STAG1: variants seen among roughly 807,000 people sequenced by gnomAD.
The protein encoded by STAG1 is STAG1 cohesin complex component, also known as cohesin subunit SA-1.
STAG1 carries 26 observed loss-of-function variants against 170.9 expected under a neutral mutation model. The ratio of observed to expected loss-of-function variants is 0.15; its 90% CI spans 0.11 to 0.21. The LOEUF (loss-of-function observed/expected upper bound fraction) is 0.21, where lower values mean the gene tolerates loss of function less well. Ranked by LOEUF, STAG1 falls within the 10% of genes least tolerant of loss-of-function variation. The probability of loss-of-function intolerance (pLI) is 1.00; values close to 1 mark genes in which losing one functional copy is unlikely to be tolerated. For missense variants in STAG1, 964 were observed against 1,509.5 expected, an observed-to-expected ratio of 0.64 and a Z score of 5.99; for synonymous variants, 514 against 497.7, an observed-to-expected ratio of 1.03 and a Z score of -0.44.
At chr3:136,729,315 G>A (rs1156743900) in intron 1 of STAG1, among the ~76,000 whole-genome samples, 2 of 151,692 alleles carry the variant, frequency 1.3e-5, no homozygotes, top group African/African-American at 2.4e-5. Flanking sequence ...CTAGACAAAG[G>A]GATTTATGAA....
chr3:136,595,890 C>T (rs1938405584), intron 4 of STAG1, among the ~76,000 whole-genome samples: 2 of 152,006 alleles, frequency 1.3e-5, no homozygotes, highest in Non-Finnish European at 2.9e-5. Flanking sequence ...AAAATACCAT[C>T]AATTTTACAA....
chr3:136,434,703 T>G (rs66890203), intron 15 of STAG1, among the ~76,000 whole-genome samples: 13,814 of 152,202 alleles, frequency 0.091, 857 homozygotes, highest in Non-Finnish European at 0.14. Context: ...GCTTCCAGGT[T>G]TCTTGTATTG....
At chr3:136,661,730 A>C (rs532779832) in intron 1 of STAG1, among the ~76,000 whole-genome samples, 1 of 152,304 alleles carries the variant, frequency 6.6e-6, no homozygotes, top group South Asian at 2.1e-4. Context: ...TCCAAGCAAA[A>C]TGAATTCAAA....
In STAG1 at chr3:136,732,591, T is replaced by C. The variant is rs533542533; in HGVS notation, c.-84+19604A>G. Among the ~76,000 whole-genome samples the C allele has an allele frequency of 1.2e-4, 18 of 152,260 alleles. No individual in the cohort carries two copies. The East Asian group carries it at 3.5e-3, about 29-fold the overall frequency. ...TCTCTCAATTAACCAGAGTACCTTA[T>C]CATCTGACCATTCTCATTAATAAAT... is the stretch of plus-strand genomic sequence containing the variant. On this transcript the variant is annotated intron_variant, in intron 1 of 33. Coordinates refer to ENST00000383202, the MANE Select transcript of STAG1 (RefSeq NM_005862.3).
At chr3:136,364,586 T>C (rs1937004083) in intron 25 of STAG1, among the ~76,000 whole-genome samples, 1 of 152,178 alleles carries the variant, frequency 6.6e-6, no homozygotes, top group Non-Finnish European at 1.5e-5. Context: ...ATCTCATCCC[T>C]GTAACCCCCC....
chr3:136,737,789 G>A (rs1934424327), intron 1 of STAG1, among the ~76,000 whole-genome samples: 1 of 152,156 alleles, frequency 6.6e-6, no homozygotes, highest in African/African-American at 2.4e-5. Context: ...ATAGAATAAG[G>A]CCAGGCGCGG....
At chr3:136,675,992 A>G (rs913490184) in intron 1 of STAG1, among the ~76,000 whole-genome samples, 1 of 152,256 alleles carries the variant, frequency 6.6e-6, no homozygotes, top group African/African-American at 2.4e-5. Context: ...CACCTAAGCT[A>G]TATGGTATAG....
At chr3:136,684,414 G>GTAA (rs1323183416) in intron 1 of STAG1, among the ~76,000 whole-genome samples, 3 of 152,074 alleles carry the variant, frequency 2.0e-5, no homozygotes, top group Non-Finnish European at 4.4e-5. Flanking sequence ...AGAAGCAAAG[G>GTAA]TAATACAATG....
intron 15 of STAG1, among the ~76,000 whole-genome samples, chr3:136,436,561 G>T (rs2088468926): frequency 6.6e-6 from 1 of 152,184 alleles, no homozygotes; most frequent in Non-Finnish European, 1.5e-5. Context: ...GATTACAGGT[G>T]TGAGCCCCTG....
At chr3:136,432,305 C>A (rs1159745924) in intron 16 of STAG1, among the ~76,000 whole-genome samples, 1 of 151,966 alleles carries the variant, frequency 6.6e-6, no homozygotes, top group African/African-American at 2.4e-5. Context: ...TCCTGTAATT[C>A]TTTGAATATA....
intron 9 of STAG1, among the ~76,000 whole-genome samples, chr3:136,493,956 T>C (rs1932928113): frequency 6.6e-6 from 1 of 152,096 alleles, no homozygotes; most frequent in Admixed American, 6.5e-5. Context: ...AATTACCAAA[T>C]CTGACTCAAA....
At chr3:136,627,100 C>T (rs1469314518) in intron 2 of STAG1, among the ~76,000 whole-genome samples, 1 of 152,140 alleles carries the variant, frequency 6.6e-6, no homozygotes, top group Non-Finnish European at 1.5e-5. Flanking sequence ...GATGCCCCTA[C>T]CAAGAGTCAG....
intron 6 of STAG1, among the ~76,000 whole-genome samples, chr3:136,526,482 C>A (rs537583818): frequency 1.3e-5 from 2 of 152,084 alleles, no homozygotes; most frequent in Non-Finnish European, 2.9e-5. Flanking sequence ...TTTGAGCCTA[C>A]GTGTGTCTCT....
At chr3:136,656,475 T>TG (rs766445878) in intron 1 of STAG1, among the ~76,000 whole-genome samples, 27 of 151,524 alleles carry the variant, frequency 1.8e-4, no homozygotes, top group Non-Finnish European at 3.2e-4. Context: ...ACATTAGCGG[T>TG]GGGGGTAGAA....
At chr3:136,579,513 G>A (rs1364745742) in intron 4 of STAG1, among the ~76,000 whole-genome samples, 1 of 152,190 alleles carries the variant, frequency 6.6e-6, no homozygotes, top group African/African-American at 2.4e-5. Context: ...ATTTCCTTGT[G>A]GTTGTATAAC....
chr3:136,447,692 C>T (rs1019044910), intron 14 of STAG1, among the ~76,000 whole-genome samples: 5 of 148,616 alleles, frequency 3.4e-5, no homozygotes, highest in Admixed American at 6.8e-5. Context: ...CTGCAAGCTC[C>T]GCCTCCCGGG....
intron 8 of STAG1, among the ~76,000 whole-genome samples, chr3:136,501,540 G>A (rs1292527875): frequency 1.3e-5 from 2 of 152,148 alleles, no homozygotes; most frequent in African/African-American, 4.8e-5. Flanking sequence ...GCAACTACCA[G>A]ACACTAGGAG....
At chr3:136,524,771 T>A (rs1227320548) in intron 6 of STAG1, among the ~76,000 whole-genome samples, 1 of 152,208 alleles carries the variant, frequency 6.6e-6, no homozygotes, top group Admixed American at 6.5e-5. Flanking sequence ...ATACGTCCCA[T>A]CAATACCTAA....
At chr3:136,422,647 T>C (rs1271516690) in intron 18 of STAG1, 34 bp from the exon 19 acceptor site, 21 of 1,583,346 alleles carry the variant, frequency 1.3e-5, no homozygotes, top group Non-Finnish European at 1.7e-5. Flanking sequence ...CTGTAATATT[T>C]AGGTTAACAA....
Sources: allele counts gnomAD v4.1 joint callset (sites outside exome capture counted in the v4.1 genomes callset), GRCh38; gene constraint gnomAD v4.1.1; transcripts MANE v1.5; gene names NCBI Gene and HGNC (gene_info 2026-07-23, HGNC 2026-07-21).